The following CASK variants were observed in gnomAD, a reference collection of about 807,000 sequenced individuals.
CASK encodes calcium/calmodulin dependent serine protein kinase, also known as peripheral plasma membrane protein CASK.
CASK carries 4 observed loss-of-function variants against 82.9 expected under a neutral mutation model. The observed-to-expected ratio is 0.05, with a 90% CI of 0.02 to 0.11. CASK has a LOEUF of 0.11. CASK is among the 10% of genes least tolerant of loss of function. CASK has a pLI of 1.00. For missense variants in CASK, 358 were observed against 720.9 expected (o/e 0.50, Z 5.76); for synonymous variants, 259 against 253.5 (o/e 1.02, Z -0.20).
At chrX:41,637,314 A>G (rs1212491491) in intron 8 of CASK, among the ~76,000 whole-genome samples, 1 of 105,004 alleles carries the variant, frequency 9.5e-6, no homozygotes, top group Admixed American at 1.1e-4. Flanking sequence ...CAATTCCACA[A>G]CTGATTCAGC....
intron 8 of CASK, among the ~76,000 whole-genome samples, chrX:41,637,124 A>AT (rs1179091941): frequency 1.8e-5 from 2 of 108,701 alleles, no homozygotes; most frequent in Admixed American, 9.9e-5. Context: ...GGCTAATTTT[A>AT]TTTTTTTTAA....
intron 11 of CASK, among the ~76,000 whole-genome samples, chrX:41,610,330 C>T (rs2066025151): frequency 8.9e-6 from 1 of 111,763 alleles, no homozygotes; most frequent in African/African-American, 3.3e-5. Context: ...CTGGACACAG[C>T]AAGTTTTATG....
chrX:41,865,820 C>T (rs918670892), intron 1 of CASK, among the ~76,000 whole-genome samples: 1 of 111,576 alleles, frequency 9.0e-6, no homozygotes, highest in African/African-American at 3.3e-5. Context: ...GATGTTGGGA[C>T]TCCCACTCAA....
intron 3 of CASK, among the ~76,000 whole-genome samples, chrX:41,756,401 CTG>C (rs1201421025): frequency 8.9e-6 from 1 of 112,132 alleles, no homozygotes; most frequent in Non-Finnish European, 1.9e-5. Context: ...TGGTCACAAA[CTG>C]TGAACAACCC....
At chrX:41,914,116 T>C (rs1362327951) in intron 1 of CASK, among the ~76,000 whole-genome samples, 3 of 112,320 alleles carry the variant, frequency 2.7e-5, no homozygotes, top group African/African-American at 3.2e-5. Flanking sequence ...TGTAGTTGAA[T>C]GGTAATACAG....
intron 24 of CASK, among the ~76,000 whole-genome samples, chrX:41,534,364 CAG>C (rs1440210940): frequency 9.5e-6 from 1 of 105,019 alleles, no homozygotes; most frequent in Non-Finnish European, 1.9e-5. Flanking sequence ...TTGTTACAAA[CAG>C]AATGGATAAA....
intron 3 of CASK, among the ~76,000 whole-genome samples, chrX:41,749,146 A>G (rs1394859701): frequency 6.5e-5 from 7 of 108,307 alleles, no homozygotes; most frequent in Non-Finnish European, 7.7e-5. Flanking sequence ...AAAATTAGCC[A>G]GGCATGGTGG....
chrX:41,889,160 G>GAA lies in CASK; in HGVS notation c.59+33768_59+33769dup, dbSNP rs572920522. On this transcript the variant is annotated intron_variant, in intron 1 of 26. Coordinates refer to ENST00000378163, the MANE Select transcript of CASK (RefSeq NM_001367721.1). Reference sequence around the variant, plus strand: ...TTTGAAGAATGCAGTTGCTATCCTGGAAAAAAAAAAAAAGGCACGTTATCT... The same window carrying GAA: ...TTTGAAGAATGCAGTTGCTATCCTGGAAAAAAAAAAAAAAAGGCACGTTATCT... 5.8e-4 allele frequency among the ~76,000 whole-genome samples: 55 copies of GAA among 94,468 alleles called. No homozygotes were observed. In the East Asian group the frequency reaches 6.2e-3, roughly 11 times the overall value. 82.0% of individuals were successfully genotyped at this position (94,468 alleles called of 115,157 possible).
intron 11 of CASK, among the ~76,000 whole-genome samples, chrX:41,616,237 A>C (rs184529142): frequency 8.9e-6 from 1 of 111,881 alleles, no homozygotes. Context: ...TATAATATCT[A>C]CAAAGTATGC....
chrX:41,611,380 G>A (rs1276848617), intron 11 of CASK, among the ~76,000 whole-genome samples: 2 of 110,344 alleles, frequency 1.8e-5, no homozygotes, highest in East Asian at 5.7e-4. Flanking sequence ...CATGCACTTC[G>A]ATTTAGTAAT....
chrX:41,727,792 A>G (rs774294675), intron 5 of CASK: 43 of 1,202,285 alleles, frequency 3.6e-5, no homozygotes, highest in Non-Finnish European at 2.8e-5. Flanking sequence ...GGTCATCCAG[A>G]TTCTACTAAT....
At chrX:41,688,077 C>T (rs1403344230) in intron 5 of CASK, among the ~76,000 whole-genome samples, 4 of 109,632 alleles carry the variant, frequency 3.6e-5, no homozygotes, top group Non-Finnish European at 7.6e-5. Context: ...ATACAGCAAC[C>T]ACCTTCCTTC....
At chrX:41,681,647 G>A (rs1345811494) in intron 5 of CASK, among the ~76,000 whole-genome samples, 2 of 111,482 alleles carry the variant, frequency 1.8e-5, no homozygotes, top group African/African-American at 6.5e-5. Flanking sequence ...AGTGCCATTG[G>A]TGATGCTAGA....
intron 1 of CASK, among the ~76,000 whole-genome samples, chrX:41,896,312 T>C (rs2072270119): frequency 8.9e-6 from 1 of 112,027 alleles, no homozygotes; most frequent in Non-Finnish European, 1.9e-5. Flanking sequence ...CAGTTTCCAA[T>C]AAACTTTTCC....
intron 14 of CASK, among the ~76,000 whole-genome samples, chrX:41,583,299 G>C (rs1344092878): frequency 2.7e-5 from 3 of 111,551 alleles, no homozygotes; most frequent in Non-Finnish European, 3.8e-5. Flanking sequence ...GAAAAAAAAG[G>C]CTCCTATTTG....
At chrX:41,754,392 C>A (rs1188709408) in intron 3 of CASK, among the ~76,000 whole-genome samples, 1 of 110,892 alleles carries the variant, frequency 9.0e-6, no homozygotes, top group Non-Finnish European at 1.9e-5. Flanking sequence ...CACAGTGAGA[C>A]CCTGACTCAA....
At chrX:41,906,556 C>T (rs1173864446) in intron 1 of CASK, among the ~76,000 whole-genome samples, 1 of 112,568 alleles carries the variant, frequency 8.9e-6, no homozygotes, top group Non-Finnish European at 1.9e-5. Context: ...CTCCTAAGCA[C>T]AGCCAGCTGC....
At chrX:41,791,438 T>C (rs928960149) in intron 2 of CASK, among the ~76,000 whole-genome samples, 3 of 110,597 alleles carry the variant, frequency 2.7e-5, no homozygotes, top group Non-Finnish European at 5.7e-5. Context: ...AATAATGGTC[T>C]CCAGCTGGGT....
At chrX:41,881,121 C>T (rs1194684673) in intron 1 of CASK, among the ~76,000 whole-genome samples, 1 of 111,686 alleles carries the variant, frequency 9.0e-6, no homozygotes, top group African/African-American at 3.3e-5. Context: ...TTCCCCTGGT[C>T]TAATTCCTCT....
Sources: gnomAD v4.1 joint callset for allele counts (sites outside exome capture counted in the v4.1 genomes callset) on GRCh38, gnomAD v4.1.1 for gene constraint, MANE v1.5 for transcripts, NCBI Gene and HGNC (gene_info 2026-07-23, HGNC 2026-07-21) for gene names.